The following ZC3HC1 variants were observed in gnomAD, a reference collection of about 807,000 sequenced individuals.
ZC3HC1 encodes the protein zinc finger C3HC-type protein 1.
In ZC3HC1, 38 loss-of-function variants were observed where a neutral mutation model predicts 61.9. The ratio of observed to expected loss-of-function variants is 0.61; its 90% CI spans 0.47 to 0.81. ZC3HC1 has a LOEUF of 0.81. Among genes scored for constraint, ZC3HC1 ranks in the 30% least tolerant of loss-of-function variants. The probability of loss-of-function intolerance (pLI) is 0.00; values close to 1 mark genes in which losing one functional copy is unlikely to be tolerated. For synonymous variants in ZC3HC1, 213 were observed against 229.9 expected, an observed-to-expected ratio of 0.93 and a Z score of 0.67; for missense variants, 554 against 622.7, an observed-to-expected ratio of 0.89 and a Z score of 1.17.
At chr7:130,019,119 T>C (rs973496590) in intron 9 of ZC3HC1, among the ~76,000 whole-genome samples, 5 of 147,450 alleles carry the variant, frequency 3.4e-5, no homozygotes, top group African/African-American at 1.3e-4. Context: ...AGTGGCGCAA[T>C]CTCGGCTCAC....
In ZC3HC1 at chr7:130,032,483, C is replaced by CA. The variant is rs947635232; in HGVS notation, c.494-3455dup. Among the ~76,000 whole-genome samples the CA allele has an allele frequency of 3.7e-3, 484 of 129,778 alleles. 2 individuals are homozygous for CA. The highest frequency in any genetic ancestry group is 4.8e-3 in the Non-Finnish European group (287 of 60,186). The allele number at this position is 129,778 out of a possible 152,430, so 85.1% of individuals were successfully genotyped here. ...CAATATAGTGAGACCCCATCTCTAC[C>CA]AAAAAAAAAAAAATTAGCTGGATGT... On this transcript the variant is annotated intron_variant, in intron 4 of 9. Transcript: ENST00000358303.
chr7:130,024,473 T>C lies in ZC3HC1; in HGVS notation c.810A>G (p.Ile270Met). Reference sequence around the variant, plus strand: ...CCTTCCTCATACATTGCGAACATGTTATCAGGGAGAGCTGCATGGATTCCA... The same window carrying C: ...CCTTCCTCATACATTGCGAACATGTCATCAGGGAGAGCTGCATGGATTCCA... ...SSLESMQLSL[I>M]TCSQCMRKVG... The change falls in exon 7 of 10, where the codon ATA (isoleucine) becomes ATG (methionine). Residue 270 changes from isoleucine to methionine, a missense_variant. Ile to Met is a conservative substitution (Grantham distance 10). Coordinates refer to ENST00000358303, the MANE Select transcript of ZC3HC1 (RefSeq NM_016478.5). 3 of 1,613,680 alleles carry C rather than the reference T, an allele frequency of 1.9e-6. No homozygotes were observed. The highest frequency in any genetic ancestry group is 2.5e-6 in the Non-Finnish European group (3 of 1,179,798).
At chr7:130,018,840 C>G (rs1334823875) in intron 9 of ZC3HC1, 108 bp from the exon 10 acceptor site, 2 of 961,406 alleles carry the variant, frequency 2.1e-6, no homozygotes. Context: ...AGTAAAAATT[C>G]ATTTTGTAGT....
chr7:130,023,178 G>A lies in ZC3HC1; in HGVS notation c.1233+333C>T, dbSNP rs867080745. 68 of 315,392 alleles carry A rather than the reference G, an allele frequency of 2.2e-4. No individual in the cohort carries two copies. Among genetic ancestry groups the A allele is most frequent in the South Asian group, 8.9e-4 (19 of 21,398 alleles). The allele number at this position is 315,392 out of a possible 1,614,324, so 19.5% of individuals were successfully genotyped here. A position where few individuals can be genotyped will look rare whatever the true frequency, so the allele number is the denominator to read the frequency against. ...TCATCCCGAAACCATCCTCCCAACC[G>A]TGGTCCGTGGAAAAATGGTCTTCCA... On this transcript the variant is annotated intron_variant, in intron 8 of 9. Transcript: ENST00000358303. This position sits in a 1 kb window ranked among gnomAD's most constrained non-coding sequence, Gnocchi z 4.2.
chr7:130,049,159 C>T lies in ZC3HC1; in HGVS notation c.147-15G>A. The T allele has an allele frequency of 6.3e-7, 1 of 1,576,802 alleles. No individual in the cohort carries two copies. Among genetic ancestry groups the T allele is most frequent in the East Asian group, 2.3e-5 (1 of 43,360 alleles). ...ACGTGTCCTTCCTAATATAAAGTGG[C>T]AAAACTGTTGGTAAACCTTTCACAG... On this transcript the variant is annotated splice_polypyrimidine_tract_variant and intron_variant, in intron 1 of 9. Transcript: ENST00000358303.
At chr7:130,050,511 C>A (rs2116791049) in intron 1 of ZC3HC1, 2 of 1,471,958 alleles carry the variant, frequency 1.4e-6, no homozygotes, top group Admixed American at 2.8e-5. Flanking sequence ...AAATTCACAG[C>A]ATCCATAAAC....
chr7:130,051,049 G>C (rs561510774), intron 1 of ZC3HC1, among the ~76,000 whole-genome samples, 172 bp downstream of exon 1: 2 of 152,170 alleles, frequency 1.3e-5, no homozygotes, highest in Non-Finnish European at 2.9e-5. Context: ...TACACCCCGA[G>C]GGGAAGATCA....
chr7:130,046,957 T>C (rs1027273262), intron 2 of ZC3HC1, among the ~76,000 whole-genome samples: 1 of 151,082 alleles, frequency 6.6e-6, no homozygotes, highest in Non-Finnish European at 1.5e-5. Flanking sequence ...CCCAGCTAAC[T>C]GTGCATTCTT....
In ZC3HC1 at chr7:130,033,516, G is replaced by A. The variant is rs534528272; in HGVS notation, c.494-4487C>T. 1.3e-3 allele frequency among the ~76,000 whole-genome samples: 177 copies of A among 139,670 alleles called. 1 individual carries two copies. Among genetic ancestry groups the A allele is most frequent in the Admixed American group, 3.3e-3 (44 of 13,492 alleles). The allele number at this position is 139,670 out of a possible 152,430, so 91.6% of individuals were successfully genotyped here. ...CGCCCAGGCTGGAGTGCAGTGACAC[G>A]ATCCCGGCTCACTGCAACCTCTGCC... On this transcript the variant is annotated intron_variant, in intron 4 of 9. Transcript: ENST00000358303.
At chr7:130,041,142 A>ATGTGTGTG (rs760013420) in intron 2 of ZC3HC1, 41 bp from the exon 3 acceptor site, 65 of 1,540,976 alleles carry the variant, frequency 4.2e-5, no homozygotes, top group African/African-American at 4.0e-4. Flanking sequence ...ATATATATAT[A>ATGTGTGTG]TATGTGTGTG....
chr7:130,026,968 T>C (rs1316652383), intron 5 of ZC3HC1: 3 of 96,272 alleles, frequency 3.1e-5, no homozygotes, highest in African/African-American at 1.2e-4. Flanking sequence ...AGACTCCGTA[T>C]CAAAAAAAAA....
chr7:130,027,755 G>A (rs1793983865), intron 5 of ZC3HC1, among the ~76,000 whole-genome samples: 1 of 151,990 alleles, frequency 6.6e-6, no homozygotes, highest in African/African-American at 2.4e-5. Flanking sequence ...CTGACCTCAG[G>A]TGATCTACCC....
rs868154427 is a variant in ZC3HC1, at chr7:130,051,309, C to T, written c.58G>A (p.Ala20Thr). The T allele has an allele frequency of 6.2e-6, 10 of 1,612,992 alleles. No individual in the cohort carries two copies. The highest frequency in any genetic ancestry group is 1.3e-5 in the African/African-American group (1 of 74,874). The change falls in exon 1 of 10, where the codon GCA becomes ACA. Residue 20 changes from alanine to threonine, a missense_variant. Ala to Thr is a moderately conservative substitution (Grantham distance 58). Transcript: ENST00000358303. ...FAVGVEKNWG[A>T]VVRSPEGTPQ... Reference sequence around the variant, plus strand: ...GTCCCTTCTGGGGAGCGAACTACTGCACCCCAATTCTTTTCAACCCCTACG... The same window carrying T: ...GTCCCTTCTGGGGAGCGAACTACTGTACCCCAATTCTTTTCAACCCCTACG...
chr7:130,018,849 G>T (rs540728077), intron 9 of ZC3HC1, 117 bp from the exon 10 acceptor site: 3 of 857,732 alleles, frequency 3.5e-6, no homozygotes, highest in African/African-American at 1.7e-5. Flanking sequence ...TCATTTTGTA[G>T]TATGCTATAC....
intron 2 of ZC3HC1, 131 bp from the exon 3 acceptor site, chr7:130,041,232 G>T: frequency 9.5e-7 from 1 of 1,050,008 alleles, no homozygotes; most frequent in Non-Finnish European, 1.3e-6. Flanking sequence ...CTGTCTCCCA[G>T]GCTGGAGTGC....
chr7:130,046,326 G>A (rs1381892220), intron 2 of ZC3HC1, among the ~76,000 whole-genome samples: 1 of 152,144 alleles, frequency 6.6e-6, no homozygotes, highest in African/African-American at 2.4e-5. Context: ...AGAAAAAAAG[G>A]CCAGGCATGG....
intron 1 of ZC3HC1, among the ~76,000 whole-genome samples, chr7:130,050,279 G>A (rs1280068410): frequency 6.6e-6 from 1 of 151,872 alleles, no homozygotes; most frequent in Non-Finnish European, 1.5e-5. Context: ...GGGTTTCACC[G>A]TGTTAGCCAG....
At chr7:130,040,559 A>C (rs1485483123) in intron 3 of ZC3HC1, among the ~76,000 whole-genome samples, 1 of 150,792 alleles carries the variant, frequency 6.6e-6, no homozygotes, top group Non-Finnish European at 1.5e-5. Flanking sequence ...TAATCTCTGC[A>C]CTTTAGGAGG....
upstream of ZC3HC1, chr7:130,051,412 G>C (rs374517126): frequency 1.5e-5 from 24 of 1,609,892 alleles, 1 homozygote; most frequent in South Asian, 4.4e-5. Flanking sequence ...GAAGGCTCCG[G>C]AACTTCCGTC....
Sources: allele counts gnomAD v4.1 joint callset (sites outside exome capture counted in the v4.1 genomes callset), GRCh38; gene constraint gnomAD v4.1.1; non-coding constraint Gnocchi (gnomAD v3.1); transcripts MANE v1.5; gene names NCBI Gene and HGNC (gene_info 2026-07-23, HGNC 2026-07-21).